FAP: variants seen among roughly 807,000 people sequenced by gnomAD.
FAP encodes the protein fibroblast activation protein alpha.
A neutral mutation model predicts 126.5 loss-of-function variants in FAP; 110 were observed. The ratio of observed to expected loss-of-function variants is 0.87; its 90% CI spans 0.74 to 1.02. FAP has a LOEUF of 1.02. Ranked by LOEUF, FAP falls within the 50% of genes least tolerant of loss-of-function variation. The pLI, the probability that FAP is intolerant of heterozygous loss-of-function variation, is 0.00. For missense variants in FAP, 919 were observed against 909.2 expected (o/e 1.01, Z -0.14); for synonymous variants, 334 against 297.3 (o/e 1.12, Z -1.27).
rs938974486 is a variant in FAP, at chr2:162,209,658, T to C, written c.1047+294A>G. 3.2e-5 allele frequency: 9 copies of C among 278,796 alleles called. No individual in the cohort carries two copies. The South Asian group carries it at 7.9e-4, about 24-fold the overall frequency. The allele number at this position is 278,796 out of a possible 1,614,324, so 17.3% of individuals were successfully genotyped here. ...GATTTTGTCTCCTTTTGAACAATGA[T>C]CTATATTGTATTTGTTTAAAAAGTA... is the stretch of plus-strand genomic sequence containing the variant. On this transcript the variant is annotated intron_variant, in intron 12 of 25. Coordinates refer to ENST00000188790, the MANE Select transcript of FAP (RefSeq NM_004460.5).
At chr2:162,238,549 C>A (rs959595546) in intron 2 of FAP, among the ~76,000 whole-genome samples, 1 of 152,064 alleles carries the variant, frequency 6.6e-6, no homozygotes, top group Non-Finnish European at 1.5e-5. Context: ...ATTTCTTTAT[C>A]TTGACTAAAA....
In FAP at chr2:162,188,211, T is replaced by C. The variant is rs780689559; in HGVS notation, c.1772A>G (p.Lys591Arg). 8.1e-6 allele frequency: 13 copies of C among 1,613,196 alleles called. No individual in the cohort carries two copies. Among genetic ancestry groups the C allele is most frequent in the Non-Finnish European group, 1.1e-5 (13 of 1,179,366 alleles). ...GDKLLYAVYR[K>R]LGVYEVEDQI... ...GTCTTCAACTTCATAAACACCCAGC[T>C]TTCGATACACTGCATAGAGGAGTTT... Residue 591 changes from lysine (K) to arginine (R), a missense_variant, in exon 20 of 26, where the codon AAG becomes AGG. By Grantham distance (26) the Lys-to-Arg change is conservative (BLOSUM62 2). Transcript: ENST00000188790.
chr2:162,225,617 T>C (rs1212393983), intron 3 of FAP, 40 bp from the exon 4 acceptor site: 3 of 1,537,908 alleles, frequency 2.0e-6, no homozygotes, highest in South Asian at 1.2e-5. Flanking sequence ...ATGATCTCTC[T>C]TAACATGAAA....
Position 162,215,892 on chromosome 2 carries a change from A to G in FAP, c.866+6T>C. On this transcript the variant is annotated splice_donor_region_variant and intron_variant, in intron 10 of 25. Transcript: ENST00000188790. ...AGAAAGATGGGAGGGATCTGAGATG[A>G]ACTACCTTGAGGCTATCATTGCTGG... The G allele has an allele frequency of 6.2e-7, 1 of 1,601,176 alleles. No homozygotes were observed. Among genetic ancestry groups the G allele is most frequent in the Non-Finnish European group, 8.6e-7 (1 of 1,168,198 alleles).
At chr2:162,182,076 C>T (rs1687712659) in intron 21 of FAP, among the ~76,000 whole-genome samples, 1 of 152,212 alleles carries the variant, frequency 6.6e-6, no homozygotes, top group Non-Finnish European at 1.5e-5. Context: ...ATTTGCCCAA[C>T]TAGATGTGGT....
intron 10 of FAP, among the ~76,000 whole-genome samples, chr2:162,215,010 C>A (rs1330202166): frequency 1.3e-5 from 2 of 151,732 alleles, no homozygotes; most frequent in Non-Finnish European, 2.9e-5. Flanking sequence ...ATTTCATCTG[C>A]CACCTGTGGA....
rs985147521 is a variant in FAP, at chr2:162,175,112, G to A, written c.1870-146C>T. The A allele has an allele frequency of 1.3e-4, 75 of 569,106 alleles. No homozygotes were observed. In the East Asian group the frequency reaches 2.1e-3, roughly 16 times the overall value. 35.3% of individuals were successfully genotyped at this position (569,106 alleles called of 1,614,324 possible). ...GATTACATGTCTATCTTGCATCCTC[G>A]GCAGCAAGCTTCAGATAAATGACCA... On this transcript the variant is annotated intron_variant, in intron 21 of 25. Transcript: ENST00000188790.
intron 17 of FAP, 93 bp downstream of exon 17, chr2:162,194,608 G>C: frequency 9.4e-7 from 1 of 1,058,836 alleles, no homozygotes; most frequent in Non-Finnish European, 1.5e-6. Context: ...TCCCCTTGGT[G>C]GTGTGGAGAA....
intron 12 of FAP, among the ~76,000 whole-genome samples, chr2:162,204,157 A>C (rs1559776609): frequency 6.6e-6 from 1 of 152,162 alleles, no homozygotes; most frequent in South Asian, 2.1e-4. Context: ...AGCTACAAAG[A>C]CCTATCCTGG....
chr2:162,175,132 T>C, intron 21 of FAP, 166 bp from the exon 22 acceptor site: 1 of 543,336 alleles, frequency 1.8e-6, no homozygotes, highest in Non-Finnish European at 3.3e-6. Context: ...TTCAGATAAA[T>C]GACCAGACAT....
At chr2:162,234,450 T>C (rs1690022277) in intron 2 of FAP, among the ~76,000 whole-genome samples, 1 of 152,142 alleles carries the variant, frequency 6.6e-6, no homozygotes, top group Non-Finnish European at 1.5e-5. Context: ...CCTACTGAAC[T>C]GTATTGTTAG....
rs375835693 is a variant in FAP at position 162,219,102 on chromosome 2, T to C, written c.568A>G (p.Asn190Asp). Residue 190 changes from asparagine (N) to aspartate (D), a missense_variant, in exon 8 of 26, where the codon AAT becomes GAT. Physicochemically the swap from Asn to Asp is conservative, Grantham distance 23 (BLOSUM62 1). Transcript: ENST00000188790. ...TCTGGGATTCCATTAAATATTTTAT[T>C]TTCTCTTCCATTAAATGTTATTTGA... ...PFQITFNGRE[N>D]KIFNGIPDWV... is the part of the protein sequence containing the mutation. 11 of 1,606,240 alleles carry C rather than the reference T, an allele frequency of 6.8e-6. No individual in the cohort carries two copies. The highest frequency in any genetic ancestry group is 9.4e-6 in the Non-Finnish European group (11 of 1,175,286).
At chr2:162,186,506 A>G (rs1687872410) in intron 20 of FAP, among the ~76,000 whole-genome samples, 1 of 152,098 alleles carries the variant, frequency 6.6e-6, no homozygotes, top group African/African-American at 2.4e-5. Context: ...TTAGGTTCAA[A>G]TGGTGCATCT....
chr2:162,189,017 G>T, intron 19 of FAP, 86 bp downstream of exon 19: 4 of 796,596 alleles, frequency 5.0e-6, no homozygotes, highest in Non-Finnish European at 8.2e-6. Flanking sequence ...TTACCAAGGA[G>T]AATGGTTCAT....
intron 21 of FAP, among the ~76,000 whole-genome samples, chr2:162,181,027 C>G (rs919633763): frequency 1.3e-5 from 2 of 152,124 alleles, no homozygotes; most frequent in African/African-American, 4.8e-5. Context: ...GTAATCCCAG[C>G]ATTTTGGGAG....
chr2:162,207,951 G>GT (rs904620634), intron 12 of FAP, among the ~76,000 whole-genome samples: 2 of 143,370 alleles, frequency 1.4e-5, no homozygotes, highest in Non-Finnish European at 3.1e-5. Context: ...CACTGAGGGT[G>GT]TTTTTTAAAA....
intron 25 of FAP, 184 bp from the exon 26 acceptor site, chr2:162,171,264 C>G (rs2106208482): frequency 1.9e-6 from 1 of 539,976 alleles, no homozygotes; most frequent in South Asian, 2.3e-5. Flanking sequence ...TCGTTAACCT[C>G]CACTACTGTT....
intron 2 of FAP, among the ~76,000 whole-genome samples, chr2:162,228,981 A>G (rs1469243394): frequency 6.6e-6 from 1 of 152,178 alleles, no homozygotes; most frequent in Non-Finnish European, 1.5e-5. Context: ...TTAAAAATGT[A>G]TAAAGTCCAT....
chr2:162,226,243 A>T (rs1213191054), intron 3 of FAP, among the ~76,000 whole-genome samples: 5 of 152,158 alleles, frequency 3.3e-5, no homozygotes, highest in Non-Finnish European at 7.4e-5. Flanking sequence ...TATATCTACC[A>T]TTCTCAAAAG....
Sources: gnomAD v4.1 joint callset for allele counts (sites outside exome capture counted in the v4.1 genomes callset) on GRCh38, gnomAD v4.1.1 for gene constraint, MANE v1.5 for transcripts, NCBI Gene and HGNC (gene_info 2026-07-23, HGNC 2026-07-21) for gene names.